STX8: variants seen among roughly 807,000 people sequenced by gnomAD.
The protein encoded by STX8 is syntaxin 8, also known as syntaxin-8.
A neutral mutation model predicts 37.5 loss-of-function variants in STX8; 23 were observed. The ratio of observed to expected loss-of-function variants is 0.61; its 90% confidence interval spans 0.44 to 0.87. The LOEUF (loss-of-function observed/expected upper bound fraction) is 0.87. Among genes scored for constraint, STX8 ranks in the 40% least tolerant of loss-of-function variants. The probability of loss-of-function intolerance (pLI) is 0.00; values close to 1 mark genes in which losing one functional copy is unlikely to be tolerated. For missense variants in STX8, 313 were observed against 284.7 expected, an observed-to-expected ratio of 1.10 and a Z score of -0.71; for synonymous variants, 115 against 99.1, an observed-to-expected ratio of 1.16 and a Z score of -0.95.
At chr17:9,415,937 G>A (rs1913177235) in intron 6 of STX8, among the ~76,000 whole-genome samples, 1 of 152,064 alleles carries the variant, frequency 6.6e-6, no homozygotes, top group Admixed American at 6.6e-5. Flanking sequence ...TCTTCTTTTG[G>A]AGTTTTCTCA....
intron 6 of STX8, among the ~76,000 whole-genome samples, chr17:9,479,793 G>A (rs915407348): frequency 2.6e-5 from 4 of 151,794 alleles, no homozygotes; most frequent in African/African-American, 2.4e-5. Flanking sequence ...GACACCACAA[G>A]CCCTAACCCC....
intron 7 of STX8, among the ~76,000 whole-genome samples, chr17:9,370,605 C>T (rs1911372919): frequency 6.6e-6 from 1 of 152,186 alleles, no homozygotes; most frequent in Admixed American, 6.5e-5. Flanking sequence ...TTTCTAACCA[C>T]ATCACTGAAA....
At chr17:9,428,389 C>T (rs1056726738) in intron 6 of STX8, among the ~76,000 whole-genome samples, 7 of 152,130 alleles carry the variant, frequency 4.6e-5, no homozygotes, top group South Asian at 2.1e-4. Flanking sequence ...TACAGGTACC[C>T]GCCACCACGC....
chr17:9,434,768 A>T (rs1904365692), intron 6 of STX8, among the ~76,000 whole-genome samples: 1 of 152,238 alleles, frequency 6.6e-6, no homozygotes, highest in South Asian at 2.1e-4. Flanking sequence ...GAGCAGCAGC[A>T]TATGGGCTGT....
intron 6 of STX8, among the ~76,000 whole-genome samples, chr17:9,462,020 G>T (rs901652910): frequency 2.0e-5 from 3 of 152,132 alleles, no homozygotes; most frequent in Non-Finnish European, 4.4e-5. Context: ...GCAAGCAATG[G>T]GGAGGGGCTA....
At chr17:9,380,792 C>T (rs770416071) in intron 6 of STX8, among the ~76,000 whole-genome samples, 2 of 145,518 alleles carry the variant, frequency 1.4e-5, no homozygotes, top group Admixed American at 7.2e-5. Context: ...CAGCTCACCA[C>T]AACCTCTGCC....
At chr17:9,327,337 A>AAGG (rs558322003) in intron 7 of STX8, among the ~76,000 whole-genome samples, 1 of 147,466 alleles carries the variant, frequency 6.8e-6, no homozygotes, top group East Asian at 2.1e-4. Context: ...AGAGAAGGAG[A>AAGG]AGGAGGAGGA....
intron 6 of STX8, among the ~76,000 whole-genome samples, chr17:9,462,529 C>G (rs1274536695): frequency 1.3e-5 from 2 of 152,138 alleles, no homozygotes; most frequent in Non-Finnish European, 2.9e-5. Context: ...TGAGACCAGC[C>G]TGGCCAACGT....
intron 6 of STX8, among the ~76,000 whole-genome samples, chr17:9,447,718 C>T (rs982315469): frequency 7.2e-5 from 11 of 152,012 alleles, no homozygotes; most frequent in Non-Finnish European, 1.0e-4. Flanking sequence ...CCACCACACC[C>T]GGCCTTGAGA....
intron 7 of STX8, among the ~76,000 whole-genome samples, chr17:9,341,940 G>A (rs949202327): frequency 3.9e-5 from 6 of 152,150 alleles, no homozygotes; most frequent in Non-Finnish European, 8.8e-5. Flanking sequence ...AGACCGTGGA[G>A]AGCCTCAGAT....
At chr17:9,574,564 C>T (rs187208785) in intron 1 of STX8, among the ~76,000 whole-genome samples, 3,641 of 148,492 alleles carry the variant, frequency 0.025, 55 homozygotes, top group South Asian at 0.036. Context: ...GACGGAGTTT[C>T]GCTCGTGTTG....
intron 1 of STX8, among the ~76,000 whole-genome samples, chr17:9,570,494 C>A (rs993888689): frequency 3.3e-5 from 5 of 151,758 alleles, no homozygotes; most frequent in Non-Finnish European, 7.4e-5. Context: ...TCGTTTATAT[C>A]ATATATACTA....
At chr17:9,476,827 T>G (rs912075902) in intron 6 of STX8, among the ~76,000 whole-genome samples, 2 of 151,876 alleles carry the variant, frequency 1.3e-5, no homozygotes, top group East Asian at 1.9e-4. Context: ...CCTCTGCATG[T>G]GTCTGTGTCC....
At chr17:9,293,825 G>A (rs1224023492) in intron 7 of STX8, among the ~76,000 whole-genome samples, 1 of 151,208 alleles carries the variant, frequency 6.6e-6, no homozygotes, top group African/African-American at 2.4e-5. Flanking sequence ...GCAGCGGCAC[G>A]ATCTTGGCTC....
chr17:9,265,123 GAAA>G (rs61526336), intron 7 of STX8, among the ~76,000 whole-genome samples: 3 of 72,506 alleles, frequency 4.1e-5, no homozygotes, highest in Admixed American at 3.3e-4. Flanking sequence ...AGTCTGAAAA[GAAA>G]AAAAAAAAAA....
At chr17:9,495,206 C>A (rs553599184) in intron 5 of STX8, among the ~76,000 whole-genome samples, 1 of 152,202 alleles carries the variant, frequency 6.6e-6, no homozygotes, top group Admixed American at 6.5e-5. Flanking sequence ...ATACAAATGA[C>A]CTGCCGTCTT....
intron 6 of STX8, among the ~76,000 whole-genome samples, chr17:9,427,851 G>A (rs990461151): frequency 4.6e-5 from 7 of 152,160 alleles, no homozygotes; most frequent in African/African-American, 9.7e-5. Context: ...GTTGAAAAGC[G>A]TGTCTGCTGC....
At chr17:9,478,946 C>T (rs1359237600) in intron 6 of STX8, among the ~76,000 whole-genome samples, 1 of 152,110 alleles carries the variant, frequency 6.6e-6, no homozygotes, top group Non-Finnish European at 1.5e-5. Context: ...CTTGACAGTA[C>T]TTATTAAAAT....
At chr17:9,362,157 C>T (rs1178737613) in intron 7 of STX8, among the ~76,000 whole-genome samples, 1 of 152,166 alleles carries the variant, frequency 6.6e-6, no homozygotes, top group African/African-American at 2.4e-5. Context: ...ATGGTGAAAC[C>T]CCGTCTCTAC....
Sources: gnomAD v4.1 joint callset for allele counts (sites outside exome capture counted in the v4.1 genomes callset) on GRCh38, gnomAD v4.1.1 for gene constraint, MANE v1.5 for transcripts, NCBI Gene and HGNC (gene_info 2026-07-23, HGNC 2026-07-21) for gene names.